COL14A1: variants seen among roughly 807,000 people sequenced by gnomAD.
COL14A1 encodes the protein collagen alpha-1(XIV) chain.
A neutral mutation model predicts 230.3 loss-of-function variants in COL14A1; 136 were observed. That is an observed-to-expected ratio of 0.59 (90% CI 0.51 to 0.68). The LOEUF is 0.68. Ranked by LOEUF, COL14A1 falls within the 30% of genes least tolerant of loss-of-function variation. The pLI is 0.00. For missense variants in COL14A1, 1,976 were observed against 2,215.8 expected (o/e 0.89, Z 2.17); for synonymous variants, 792 against 784.1 (o/e 1.01, Z -0.17).
At position 120,315,958 on chromosome 8, in the gene COL14A1, C is replaced by T. The variant is rs115792605; in HGVS notation, c.4620C>T (p.Gly1540=). Residue 1540 remains glycine (G), a synonymous_variant, in exon 40 of 48, where the codon GGC becomes GGT. Coordinates refer to ENST00000297848, the MANE Select transcript of COL14A1 (RefSeq NM_021110.4). ...GLPGPQGIPG[G]VGSPGRDGSP... The stretch of plus-strand genomic sequence containing the variant: ...GTTCTACACAGGGTATCCCAGGAGG[C>T]GTTGGTTCACCAGGACGTGATGGCT... The T allele has an allele frequency of 2.5e-5, 41 of 1,613,906 alleles. No homozygotes were observed. The highest frequency in any genetic ancestry group is 4.0e-5 in the African/African-American group (3 of 75,030).
At chr8:120,162,678 T>C (rs58517661) in intron 4 of COL14A1, 109 bp downstream of exon 4, 16,377 of 958,232 alleles carry the variant, frequency 0.017, 778 homozygotes, top group South Asian at 0.16. Flanking sequence ...TTCAGATTTA[T>C]AGAGATCCTA....
chr8:120,200,704 A>C (rs1447757759), intron 8 of COL14A1, among the ~76,000 whole-genome samples: 1 of 124,418 alleles, frequency 8.0e-6, no homozygotes, highest in African/African-American at 2.9e-5. Context: ...GATCCTAAAA[A>C]GTTTTCCTAT....
chr8:120,205,037 A>G (rs1377413091), intron 9 of COL14A1, among the ~76,000 whole-genome samples: 2 of 152,200 alleles, frequency 1.3e-5, no homozygotes, highest in Non-Finnish European at 2.9e-5. Flanking sequence ...ATTACAGCCA[A>G]AAAAGGCTGG....
chr8:120,315,513 G>A lies in COL14A1; in HGVS notation c.4552-20G>A, dbSNP rs763245427. ...AATTTACCTATGTGAACTTAACTCT[G>A]TATACTTTTGGATATTCAGGGAATG... is the stretch of plus-strand genomic sequence containing the variant. On this transcript the variant is annotated intron_variant, in intron 38 of 47. Transcript: ENST00000297848. 38 of 1,605,132 alleles carry A rather than the reference G, an allele frequency of 2.4e-5. No homozygotes were observed. The highest frequency in any genetic ancestry group is 3.2e-5 in the Non-Finnish European group (37 of 1,172,382).
Position 120,368,894 on chromosome 8 carries a change from T to G in COL14A1, c.5156-436T>G, listed in dbSNP as rs781089075. On this transcript the variant is annotated intron_variant, in intron 46 of 47. Transcript: ENST00000297848. ...ATTATCTGGGGCCATAAACTGGTAC[T>G]GAATTGCATGGCTATTCTAACTAGA... Among the ~76,000 whole-genome samples, 5 of 152,332 alleles carry G rather than the reference T, an allele frequency of 3.3e-5. No homozygotes were observed. In the South Asian group the frequency reaches 1.0e-3, roughly 32 times the overall value.
At chr8:120,279,494 A>G (rs935680946) in intron 28 of COL14A1, among the ~76,000 whole-genome samples, 4 of 151,558 alleles carry the variant, frequency 2.6e-5, no homozygotes, top group African/African-American at 9.7e-5. Flanking sequence ...CTTGCCAAGC[A>G]TTGAATGGTG....
At chr8:120,332,243 C>G (rs753418628) in intron 41 of COL14A1, 49 bp downstream of exon 41, 2 of 1,550,034 alleles carry the variant, frequency 1.3e-6, no homozygotes, top group Admixed American at 3.4e-5. Flanking sequence ...TAAAGCACTT[C>G]ATTTCTTTTG....
At chr8:120,287,614 T>C (rs1820244203) in intron 33 of COL14A1, among the ~76,000 whole-genome samples, 1 of 152,188 alleles carries the variant, frequency 6.6e-6, no homozygotes, top group Non-Finnish European at 1.5e-5. Flanking sequence ...GAAGTGAGGT[T>C]CATTAAAAAT....
chr8:120,335,847 G>C (rs556363240), intron 42 of COL14A1, among the ~76,000 whole-genome samples: 1 of 152,294 alleles, frequency 6.6e-6, no homozygotes, highest in African/African-American at 2.4e-5. Flanking sequence ...ACGAACGAAG[G>C]AGCTGCTCAC....
intron 21 of COL14A1, among the ~76,000 whole-genome samples, chr8:120,249,482 G>T (rs753646083): frequency 6.6e-6 from 1 of 152,152 alleles, no homozygotes; most frequent in Non-Finnish European, 1.5e-5. Context: ...GGAAGCATGC[G>T]TTAATTTGTA....
At chr8:120,303,158 T>C (rs1239732820) in intron 36 of COL14A1, among the ~76,000 whole-genome samples, 2 of 152,222 alleles carry the variant, frequency 1.3e-5, no homozygotes, top group African/African-American at 4.8e-5. Context: ...TGGGGTTTTC[T>C]ACATGTAGAA....
chr8:120,165,912 G>A (rs1310754722), intron 4 of COL14A1, among the ~76,000 whole-genome samples: 1 of 152,160 alleles, frequency 6.6e-6, no homozygotes, highest in Non-Finnish European at 1.5e-5. Context: ...GGGGTCCAGG[G>A]CATTATCCCT....
chr8:120,243,376 T>C (rs1818664685), intron 19 of COL14A1, among the ~76,000 whole-genome samples: 1 of 152,192 alleles, frequency 6.6e-6, no homozygotes, highest in South Asian at 2.1e-4. Context: ...AACTTGGCTT[T>C]GATGTGTGGT....
intron 40 of COL14A1, among the ~76,000 whole-genome samples, chr8:120,317,388 G>C (rs1036403553): frequency 6.6e-6 from 1 of 152,048 alleles, no homozygotes; most frequent in African/African-American, 2.4e-5. Context: ...TAAAATCTCA[G>C]TGTAGTCTCT....
At chr8:120,273,167 A>T (rs1819728321) in intron 26 of COL14A1, among the ~76,000 whole-genome samples, 1 of 151,902 alleles carries the variant, frequency 6.6e-6, no homozygotes, top group African/African-American at 2.4e-5. Context: ...ATACTTGGAA[A>T]TTAAACCATT....
intron 5 of COL14A1, among the ~76,000 whole-genome samples, chr8:120,194,016 C>A (rs1274142384): frequency 3.9e-5 from 6 of 152,222 alleles, no homozygotes; most frequent in Admixed American, 1.3e-4. Context: ...TGAGGCAATG[C>A]CTCGCCCTGC....
intron 35 of COL14A1, among the ~76,000 whole-genome samples, chr8:120,298,597 T>TTATA (rs59846403): frequency 0.069 from 3,936 of 57,292 alleles, 265 homozygotes; most frequent in Non-Finnish European, 0.077. Context: ...CCCATATATT[T>TTATA]TATATATATA....
chr8:120,238,970 G>C (rs7013077), intron 19 of COL14A1, among the ~76,000 whole-genome samples: 1 of 151,880 alleles, frequency 6.6e-6, no homozygotes, highest in African/African-American at 2.4e-5. Flanking sequence ...AGATGAACCC[G>C]GTACCTCAGT....
chr8:120,233,258 G>T (rs558436278), intron 19 of COL14A1, among the ~76,000 whole-genome samples: 1 of 152,238 alleles, frequency 6.6e-6, no homozygotes, highest in South Asian at 2.1e-4. Context: ...CTGTGCAGAA[G>T]CTCTTTAGTT....
Sources: allele counts gnomAD v4.1 joint callset (sites outside exome capture counted in the v4.1 genomes callset), GRCh38; gene constraint gnomAD v4.1.1; transcripts MANE v1.5; gene names NCBI Gene and HGNC (gene_info 2026-07-23, HGNC 2026-07-21).